The following TENM2 variants were observed in gnomAD, a reference collection of about 807,000 sequenced individuals.
TENM2 encodes teneurin transmembrane protein 2.
Under a neutral mutation model 245.2 loss-of-function variants are expected in TENM2, and 52 were observed. The observed-to-expected ratio is 0.21, with a 90% CI of 0.17 to 0.27. The LOEUF is 0.27. Among genes scored for constraint, TENM2 ranks in the 10% least tolerant of loss-of-function variants. The pLI is 1.00. For synonymous variants in TENM2, 1,363 were observed against 1,438.9 expected (o/e 0.95, Z 1.19); for missense variants, 3,046 against 3,666.8 (o/e 0.83, Z 4.37).
chr5:167,423,911 C>T (rs1383675198), intron 2 of TENM2, among the ~76,000 whole-genome samples: 1 of 152,172 alleles, frequency 6.6e-6, no homozygotes, highest in Admixed American at 6.5e-5. Context: ...AAGCAACCTC[C>T]TCAACCCCTT....
chr5:168,153,934 G>T (rs1442203693), intron 12 of TENM2, among the ~76,000 whole-genome samples: 1 of 152,044 alleles, frequency 6.6e-6, no homozygotes, highest in African/African-American at 2.4e-5. Flanking sequence ...GCAACACGGT[G>T]CTATTCACCC....
At chr5:167,160,980 C>G in the TENM2 span, among the ~76,000 whole-genome samples, 1,131 of 152,000 alleles carry the variant, frequency 7.4e-3, 15 homozygotes, top group African/African-American at 0.025. Flanking sequence ...CTTGTATTTT[C>G]AATATGAATT....
intron 2 of TENM2, among the ~76,000 whole-genome samples, chr5:167,581,385 G>A (rs1255958695): frequency 1.3e-5 from 2 of 152,172 alleles, no homozygotes; most frequent in African/African-American, 4.8e-5. Flanking sequence ...ACTTGAAGTT[G>A]TTAAATGTTC....
intron 2 of TENM2, among the ~76,000 whole-genome samples, chr5:167,873,380 A>G (rs987127836): frequency 6.6e-6 from 1 of 151,970 alleles, no homozygotes; most frequent in Non-Finnish European, 1.5e-5. Context: ...TTTTCTCACC[A>G]TTCTGTTTAG....
chr5:167,801,109 A>AATATATATAT (rs869282464), intron 2 of TENM2, among the ~76,000 whole-genome samples: 3 of 66,550 alleles, frequency 4.5e-5, no homozygotes, highest in African/African-American at 1.3e-4. Flanking sequence ...AAAAAAAAAA[A>AATATATATAT]ATATATATAT....
intron 2 of TENM2, among the ~76,000 whole-genome samples, chr5:167,669,381 G>T (rs1755783705): frequency 6.6e-6 from 1 of 152,152 alleles, no homozygotes; most frequent in Non-Finnish European, 1.5e-5. Flanking sequence ...CAAAATAAAT[G>T]TGTGAACATG....
chr5:168,090,523 G>A, intron 7 of TENM2, 51 bp from the exon 10 acceptor site: 4 of 1,507,176 alleles, frequency 2.7e-6, no homozygotes, highest in Middle Eastern at 4.9e-4. Flanking sequence ...CCAGGTATGG[G>A]ACCACATCCA....
intron 2 of TENM2, among the ~76,000 whole-genome samples, chr5:167,855,275 T>A (rs1216537736): frequency 6.6e-6 from 1 of 152,134 alleles, no homozygotes; most frequent in Non-Finnish European, 1.5e-5. Flanking sequence ...TCAAATGTTA[T>A]CTTAACTGGG....
rs538237639 is a variant in TENM2, at chr5:167,335,390, G to A, written c.227-39808G>A. Among the ~76,000 whole-genome samples, 3 of 152,268 alleles carry A rather than the reference G, an allele frequency of 2.0e-5. No homozygotes were observed. The East Asian group carries it at 5.8e-4, about 29-fold the overall frequency. ...ACCAGGCCTGACCTCCAACACTGGG[G>A]GTTACATTTCAACATGAGATTTGAG... is the stretch of plus-strand genomic sequence containing the variant. On this transcript the variant is annotated intron_variant, in intron 1 of 28. Coordinates refer to ENST00000518659, the Ensembl canonical transcript of TENM2.
chr5:167,026,360 T>G, the TENM2 span, among the ~76,000 whole-genome samples: 2 of 152,228 alleles, frequency 1.3e-5, no homozygotes, highest in Non-Finnish European at 2.9e-5. Flanking sequence ...CACATAGTGG[T>G]AATCTGCTGA....
intron 5 of TENM2, among the ~76,000 whole-genome samples, chr5:168,040,747 A>G (rs556499282): frequency 3.0e-4 from 45 of 152,336 alleles, no homozygotes; most frequent in Non-Finnish European, 5.7e-4. Flanking sequence ...TAAAAATAAT[A>G]ATACATTGCA....
At chr5:168,123,230 T>TC (rs1219251510) in intron 10 of TENM2, among the ~76,000 whole-genome samples, 3 of 152,066 alleles carry the variant, frequency 2.0e-5, no homozygotes, top group African/African-American at 7.2e-5. Flanking sequence ...GCTCAGGTGT[T>TC]CGAGACTACA....
At chr5:167,830,823 T>C (rs1768409957) in intron 2 of TENM2, among the ~76,000 whole-genome samples, 1 of 152,144 alleles carries the variant, frequency 6.6e-6, no homozygotes, top group African/African-American at 2.4e-5. Flanking sequence ...ACTCACTGTA[T>C]CCAGAGTGGG....
intron 4 of TENM2, among the ~76,000 whole-genome samples, chr5:167,963,594 T>G (rs1781173555): frequency 6.6e-6 from 1 of 152,214 alleles, no homozygotes; most frequent in Non-Finnish European, 1.5e-5. Flanking sequence ...TTTCTGGGTT[T>G]GATGGAATAA....
the TENM2 span, among the ~76,000 whole-genome samples, chr5:167,160,276 A>G: frequency 6.6e-6 from 1 of 152,208 alleles, no homozygotes; most frequent in Admixed American, 6.5e-5. Flanking sequence ...TTGCACTTAA[A>G]GTCCAGACTC....
chr5:167,536,611 G>A (rs375883429), intron 2 of TENM2, among the ~76,000 whole-genome samples: 1 of 152,172 alleles, frequency 6.6e-6, no homozygotes. Context: ...CAGAAATTTG[G>A]GATACCTATG....
At chr5:167,318,765 A>G (rs1406431497) in intron 1 of TENM2, among the ~76,000 whole-genome samples, 1 of 152,196 alleles carries the variant, frequency 6.6e-6, no homozygotes, top group Admixed American at 6.5e-5. Flanking sequence ...TGCCATTTGC[A>G]ATATCTCATG....
chr5:166,995,840 AAAT>A, the TENM2 span, among the ~76,000 whole-genome samples: 54 of 129,256 alleles, frequency 4.2e-4, 1 homozygote, highest in African/African-American at 1.4e-3. Context: ...AAAAAAAAAA[AAAT>A]TTCTGTTCTC....
intron 2 of TENM2, among the ~76,000 whole-genome samples, chr5:167,586,669 G>C (rs999043409): frequency 6.6e-6 from 1 of 152,068 alleles, no homozygotes; most frequent in Non-Finnish European, 1.5e-5. Flanking sequence ...TAGGGAAAGA[G>C]GTAATTTAAA....
Sources: gnomAD v4.1 joint callset for allele counts (sites outside exome capture counted in the v4.1 genomes callset) on GRCh38, gnomAD v4.1.1 for gene constraint, MANE v1.5 for transcripts, NCBI Gene and HGNC (gene_info 2026-07-23, HGNC 2026-07-21) for gene names.